PITPNM2: variants seen among roughly 807,000 people sequenced by gnomAD.
The protein encoded by PITPNM2 is membrane-associated phosphatidylinositol transfer protein 2.
PITPNM2 carries 35 observed loss-of-function variants against 132.2 expected under a neutral mutation model. The observed-to-expected ratio is 0.26, with a 90% CI of 0.20 to 0.35. The LOEUF (loss-of-function observed/expected upper bound fraction) is 0.35, where lower values mean the gene tolerates loss of function less well. Ranked by LOEUF, PITPNM2 falls within the 10% of genes least tolerant of loss-of-function variation. The probability of loss-of-function intolerance (pLI) is 1.00; values close to 1 mark genes in which losing one functional copy is unlikely to be tolerated. For missense variants in PITPNM2, 1,332 were observed against 1,912.0 expected (o/e 0.70, Z 5.66); for synonymous variants, 738 against 799.2 (o/e 0.92, Z 1.29).
chr12:123,060,378 G>A (rs527567529), intron 2 of PITPNM2, among the ~76,000 whole-genome samples: 1 of 152,220 alleles, frequency 6.6e-6, no homozygotes, highest in Admixed American at 6.5e-5. Flanking sequence ...CACCTCCACC[G>A]GGAAATTCTG....
At position 122,990,546 on chromosome 12, in the gene PITPNM2, C is replaced by G; in HGVS notation, c.2568G>C (p.Gln856His). ...AESYTASSIA[Q>H]KAPDALSHTP... ...GGGTGAGGGGCCTGGTATACTCACT[C>G]TGGGCGATGCTGGATGCCGTGTAGC... is the stretch of plus-strand genomic sequence containing the variant. Residue 856 changes from glutamine (Q) to histidine (H), a missense_variant and splice_region_variant, in exon 17 of 26, where the codon CAG becomes CAC. By Grantham distance (24) the Gln-to-His change is conservative. This residue lies in a region of PITPNM2 where 710 missense variants were observed against 911.5 expected (regional missense o/e 0.78). Coordinates refer to ENST00000320201, the MANE Select transcript of PITPNM2 (RefSeq NM_020845.3). 6.2e-7 allele frequency: 1 copy of G among 1,612,822 alleles called. No individual in the cohort carries two copies. Among genetic ancestry groups the G allele is most frequent in the South Asian group, 1.1e-5 (1 of 91,038 alleles).
intron 1 of PITPNM2, among the ~76,000 whole-genome samples, chr12:123,110,923 G>A (rs1315210406): frequency 6.6e-6 from 1 of 152,248 alleles, no homozygotes; most frequent in Non-Finnish European, 1.5e-5. Flanking sequence ...CACAGTCCGA[G>A]AGGATGGCGT....
intron 3 of PITPNM2, among the ~76,000 whole-genome samples, chr12:123,033,111 G>A (rs1054759125): frequency 9.2e-5 from 14 of 152,236 alleles, no homozygotes; most frequent in African/African-American, 1.9e-4. Context: ...CCACACCAAC[G>A]ACTCAGTCTG....
chr12:123,070,060 G>T (rs567600539), intron 2 of PITPNM2, among the ~76,000 whole-genome samples: 4 of 152,336 alleles, frequency 2.6e-5, no homozygotes, highest in African/African-American at 9.6e-5. Flanking sequence ...GCAAGACCCA[G>T]CCAGGAGAGT....
At chr12:123,072,371 G>T (rs1018128471) in intron 2 of PITPNM2, among the ~76,000 whole-genome samples, 2 of 152,190 alleles carry the variant, frequency 1.3e-5, no homozygotes, top group Admixed American at 1.3e-4. Flanking sequence ...CAGCCCCTGA[G>T]CATAGTCTTG....
chr12:123,098,031 A>C (rs1435594050), intron 2 of PITPNM2, among the ~76,000 whole-genome samples: 1 of 152,230 alleles, frequency 6.6e-6, no homozygotes, highest in Non-Finnish European at 1.5e-5. Context: ...TGTGCTAATC[A>C]GAGCAGACAG....
At chr12:123,030,045 A>G (rs1471590965) in intron 3 of PITPNM2, among the ~76,000 whole-genome samples, 1 of 114,224 alleles carries the variant, frequency 8.8e-6, no homozygotes, top group Non-Finnish European at 2.0e-5. Context: ...ACTGACAGGA[A>G]ACTGCGAGGA....
chr12:123,134,210 C>G (rs534401186), intron 1 of PITPNM2, among the ~76,000 whole-genome samples: 46 of 152,226 alleles, frequency 3.0e-4, no homozygotes, highest in African/African-American at 1.1e-3. Context: ...ACTACAGACG[C>G]GTGCCACCAC....
chr12:123,133,131 C>T (rs966870153), intron 1 of PITPNM2, among the ~76,000 whole-genome samples: 7 of 152,204 alleles, frequency 4.6e-5, no homozygotes, highest in African/African-American at 1.7e-4. Context: ...GAGGAACCAC[C>T]AAATTGTCTT....
rs538637853 is a variant in PITPNM2, at chr12:123,029,668, G to GATGCATGTACACATGTGCACATATGT, written c.78+4819_78+4844dup. Among the ~76,000 whole-genome samples, 355 of 151,330 alleles carry GATGCATGTACACATGTGCACATATGT rather than the reference G, an allele frequency of 2.3e-3. 3 individuals are homozygous for GATGCATGTACACATGTGCACATATGT. The highest frequency in any genetic ancestry group is 8.0e-3 in the African/African-American group (329 of 41,176). On this transcript the variant is annotated intron_variant, in intron 3 of 25. Transcript: ENST00000320201. ...GTGTGTGTGTGTGTGTGTCTGTGGA[G>GATGCATGTACACATGTGCACATATGT]ATGCATGTACACATGTGCACATATG...
intron 1 of PITPNM2, among the ~76,000 whole-genome samples, chr12:123,127,830 C>T (rs2043177835): frequency 1.3e-5 from 2 of 152,088 alleles, no homozygotes; most frequent in Non-Finnish European, 2.9e-5. Context: ...AGGATGGTAT[C>T]AATCTCCTGA....
In PITPNM2 at chr12:123,082,360, T is replaced by C. The variant is rs2041988414; in HGVS notation, c.-96+28025A>G. 6.6e-6 allele frequency among the ~76,000 whole-genome samples: 1 copy of C among 152,278 alleles called. No homozygotes were observed. The highest frequency in any genetic ancestry group is 1.5e-5 in the Non-Finnish European group (1 of 68,056). ...ATTTTCTTCAGAGCGTTGATCGTTA[T>C]CTAGTACCCGACTTACTTTTCTTTC... On this transcript the variant is annotated intron_variant, in intron 2 of 25. Transcript: ENST00000320201. This position sits in a 1 kb window ranked among gnomAD's most constrained non-coding sequence, Gnocchi z 5.4.
In PITPNM2 at chr12:123,009,872, G is replaced by A. The variant is rs144274750; in HGVS notation, c.621C>T (p.Ile207=). The change falls in exon 6 of 26, where the codon ATC becomes ATT. Residue 207 remains isoleucine, a synonymous_variant. Transcript: ENST00000320201. The surrounding 1 kb of genome is among the most constrained non-coding windows in gnomAD (Gnocchi z 4.8). ...CACCGGTGTCGTGGATGAACCTCTC[G>A]ATCTTGGACTGCATGCCCCAGTAGC... ...EFRYWGMQSK[I]ERFIHDTGLR... 3.8e-5 allele frequency: 62 copies of A among 1,614,014 alleles called. No individual in the cohort carries two copies. The highest frequency in any genetic ancestry group is 4.7e-5 in the Non-Finnish European group (56 of 1,180,012).
chr12:123,000,701 C>T lies in PITPNM2; in HGVS notation c.1224+77G>A, dbSNP rs879081505. ...CAGGCCCAGAGTTCCACCTCTGTAA[C>T]CCCTCAGACTATTCCTCTGCACCCT... On this transcript the variant is annotated intron_variant, in intron 10 of 25. Coordinates refer to ENST00000320201, the MANE Select transcript of PITPNM2 (RefSeq NM_020845.3). This position sits in a 1 kb window ranked among gnomAD's most constrained non-coding sequence, Gnocchi z 5.4. 6.8e-7 allele frequency: 1 copy of T among 1,478,264 alleles called. No homozygotes were observed. Among genetic ancestry groups the T allele is most frequent in the Non-Finnish European group, 9.3e-7 (1 of 1,072,622 alleles). The allele number at this position is 1,478,264 out of a possible 1,614,324, so 91.6% of individuals were successfully genotyped here. A position where few individuals can be genotyped will look rare whatever the true frequency, so the allele number is the denominator to read the frequency against.
At chr12:123,128,567 C>G (rs2043197599) in intron 1 of PITPNM2, among the ~76,000 whole-genome samples, 1 of 150,490 alleles carries the variant, frequency 6.6e-6, no homozygotes, top group South Asian at 2.1e-4. Flanking sequence ...TCTTGGCTAA[C>G]ATGTTGAAAC....
At chr12:122,987,954 C>T in intron 20 of PITPNM2, 53 bp from the exon 21 acceptor site, 1 of 1,499,058 alleles carries the variant, frequency 6.7e-7, no homozygotes, top group South Asian at 1.2e-5. Flanking sequence ...ACCCCGGGTC[C>T]CTGTGTTCTG....
In PITPNM2 at chr12:122,986,555, G is replaced by A. The variant is rs377192199; in HGVS notation, c.3607C>T (p.Arg1203Cys). The A allele has an allele frequency of 1.3e-5, 21 of 1,597,312 alleles. No homozygotes were observed. The highest frequency in any genetic ancestry group is 2.2e-5 in the East Asian group (1 of 44,446). ...LKLLISELHL[R>C]VHAAYGSTKD... ...GTGGAGCCATAGGCCGCGTGCACGC[G>A]CAGGTGCAGCTGTGGGGAGACTGGC... Residue 1203 changes from arginine to cysteine, a missense_variant, in exon 25 of 26, where the codon CGC becomes TGC. Transcript: ENST00000320201.
chr12:123,058,506 GA>G lies in PITPNM2; in HGVS notation c.-95-23822del, dbSNP rs2041118951. On this transcript the variant is annotated intron_variant, in intron 2 of 25. Coordinates refer to ENST00000320201, the MANE Select transcript of PITPNM2 (RefSeq NM_020845.3). This position sits in a 1 kb window ranked among gnomAD's most constrained non-coding sequence, Gnocchi z 4.0. ...TTGCCAGCTCCCCAGAATGTCACTG[GA>G]AGCCATCATGCCCCACCCACAGCCT... Among the ~76,000 whole-genome samples the G allele has an allele frequency of 1.3e-5, 2 of 152,260 alleles. No individual in the cohort carries two copies. Among genetic ancestry groups the G allele is most frequent in the South Asian group, 4.1e-4 (2 of 4,824 alleles).
chr12:122,997,443 T>C lies in PITPNM2; in HGVS notation c.1354A>G (p.Ile452Val). 1 of 1,613,558 alleles carries C rather than the reference T, an allele frequency of 6.2e-7. No homozygotes were observed. The highest frequency in any genetic ancestry group is 8.5e-7 in the Non-Finnish European group (1 of 1,179,986). Residue 452 changes from isoleucine (I) to valine (V), a missense_variant, in exon 11 of 26, where the codon ATC becomes GTC. Ile to Val is a conservative substitution (Grantham distance 29, BLOSUM62 3). Transcript: ENST00000320201. ...ATGACGGTGTCGAACACGTTGGCGA[T>C]GGTGTTAGCATCGCCCTTCTTGGAG... The part of the protein sequence containing the change: ...PSSKKGDANT[I>V]ANVFDTVMRV...
Sources: allele counts gnomAD v4.1 joint callset (sites outside exome capture counted in the v4.1 genomes callset), GRCh38; gene constraint gnomAD v4.1.1; regional missense constraint gnomAD v4.1.1; non-coding constraint Gnocchi (gnomAD v3.1); transcripts MANE v1.5; gene names NCBI Gene and HGNC (gene_info 2026-07-23, HGNC 2026-07-21).